Variants in SPATA13 observed in about 807,000 individuals in gnomAD.
SPATA13 encodes the protein spermatogenesis-associated protein 13.
Under a neutral mutation model 104.0 loss-of-function variants are expected in SPATA13, and 50 were observed. That is an observed-to-expected ratio of 0.48 (90% CI 0.38 to 0.61). The LOEUF (loss-of-function observed/expected upper bound fraction) is 0.61, where lower values mean the gene tolerates loss of function less well. Ranked by LOEUF, SPATA13 falls within the 20% of genes least tolerant of loss-of-function variation. The pLI, the probability that SPATA13 is intolerant of heterozygous loss-of-function variation, is 0.00. For synonymous variants in SPATA13, 606 were observed against 667.5 expected (o/e 0.91, Z 1.42); for missense variants, 1,524 against 1,690.6 (o/e 0.90, Z 1.73).
At chr13:24,153,523 A>G (rs1218515136) in intron 3 of SPATA13, among the ~76,000 whole-genome samples, 2 of 152,260 alleles carry the variant, frequency 1.3e-5, no homozygotes, top group Non-Finnish European at 2.9e-5. Flanking sequence ...TACACCCTTC[A>G]GATGACAAAA....
At chr13:24,166,258 T>G (rs949636786) in intron 1 of SPATA13, among the ~76,000 whole-genome samples, 6 of 152,198 alleles carry the variant, frequency 3.9e-5, no homozygotes, top group Admixed American at 6.5e-5. Flanking sequence ...CATATTCTTG[T>G]CTAGAGGGAG....
chr13:24,238,168 G>A (rs1259034082), intron 2 of SPATA13, among the ~76,000 whole-genome samples: 3 of 104,886 alleles, frequency 2.9e-5, no homozygotes, highest in African/African-American at 3.9e-5. Flanking sequence ...ACAGACTCTT[G>A]CTCTATCTCC....
intron 10 of SPATA13, 149 bp from the exon 11 acceptor site, chr13:24,297,214 A>T (rs1876846463): frequency 1.1e-6 from 1 of 937,362 alleles, no homozygotes; most frequent in Non-Finnish European, 1.5e-6. Flanking sequence ...AATTTTTAAA[A>T]TTTTATGTGG....
At chr13:23,984,356 T>C (rs1012738594) in intron 2 of SPATA13, among the ~76,000 whole-genome samples, 7 of 152,244 alleles carry the variant, frequency 4.6e-5, no homozygotes, top group Admixed American at 1.3e-4. Context: ...TACTTTATAT[T>C]CTGCCTTCAA....
At chr13:24,072,760 C>T (rs757432985) in intron 3 of SPATA13, among the ~76,000 whole-genome samples, 11 of 150,476 alleles carry the variant, frequency 7.3e-5, no homozygotes, top group Non-Finnish European at 1.0e-4. Flanking sequence ...TCTCCTCCCT[C>T]GGCATCGCTT....
At chr13:24,106,929 G>A (rs7318560) in intron 3 of SPATA13, among the ~76,000 whole-genome samples, 73,306 of 151,884 alleles carry the variant, frequency 0.48, 18,107 homozygotes, top group Non-Finnish European at 0.53. Flanking sequence ...GCCATGTAGT[G>A]AAGTCTGTGC....
At chr13:24,043,698 A>G (rs1461107047) in intron 3 of SPATA13, among the ~76,000 whole-genome samples, 2 of 152,140 alleles carry the variant, frequency 1.3e-5, no homozygotes, top group Non-Finnish European at 2.9e-5. Context: ...TGACAGCCTT[A>G]TGCCAAAGGG....
intron 10 of SPATA13, among the ~76,000 whole-genome samples, chr13:24,296,806 GA>G (rs1206706427): frequency 6.8e-6 from 1 of 146,080 alleles, no homozygotes. Flanking sequence ...TAGTAAGCAG[GA>G]AAAAAAAAAG....
At chr13:23,984,793 C>A (rs933673217) in intron 2 of SPATA13, among the ~76,000 whole-genome samples, 1 of 152,334 alleles carries the variant, frequency 6.6e-6, no homozygotes, top group South Asian at 2.1e-4. Context: ...AAAAAGACTG[C>A]CTATTTCTGA....
chr13:24,007,092 C>A, intron 2 of SPATA13, among the ~76,000 whole-genome samples: 1 of 152,162 alleles, frequency 6.6e-6, no homozygotes, highest in Middle Eastern at 3.2e-3. Flanking sequence ...GTGTGACCTT[C>A]CTGCTGGCCC....
Position 23,984,306 on chromosome 13 carries a change from G to A in SPATA13, c.-147+373G>A, listed in dbSNP as rs79866149. 1.2e-3 allele frequency among the ~76,000 whole-genome samples: 182 copies of A among 152,330 alleles called. 5 individuals carry two copies. The East Asian group carries it at 0.031, about 26-fold the overall frequency. On this transcript the variant is annotated intron_variant, in intron 2 of 14. Transcript: ENST00000424834. ...GTTTCGGTATTCACCAGTCATCAGA[G>A]TCTCAAAGTACTTGTGTTTGTCTCC...
At chr13:24,125,533 C>A (rs560883132) in intron 3 of SPATA13, among the ~76,000 whole-genome samples, 7 of 152,254 alleles carry the variant, frequency 4.6e-5, no homozygotes, top group African/African-American at 1.7e-4. Context: ...CCACCCCCAG[C>A]ACAGTTTCTA....
chr13:24,141,506 C>A (rs551313774), intron 3 of SPATA13, among the ~76,000 whole-genome samples: 1 of 152,316 alleles, frequency 6.6e-6, no homozygotes, highest in African/African-American at 2.4e-5. Context: ...ACTCCTCCAG[C>A]TGAGCTCTAA....
At chr13:24,298,366 T>C (rs1352601987) in intron 11 of SPATA13, among the ~76,000 whole-genome samples, 2 of 152,230 alleles carry the variant, frequency 1.3e-5, no homozygotes, top group African/African-American at 4.8e-5. Context: ...CATCGTCCAT[T>C]GCAGTTAAGG....
At chr13:24,243,978 A>G (rs1485942175) in intron 2 of SPATA13, among the ~76,000 whole-genome samples, 2 of 152,208 alleles carry the variant, frequency 1.3e-5, no homozygotes, top group Non-Finnish European at 2.9e-5. Context: ...AAAACAGTGG[A>G]CATCTGTTCT....
chr13:24,136,217 A>T (rs180674432), intron 3 of SPATA13, among the ~76,000 whole-genome samples: 195 of 152,332 alleles, frequency 1.3e-3, no homozygotes, highest in African/African-American at 4.4e-3. Flanking sequence ...TATGCCTGTA[A>T]TCCTAGCACT....
intron 3 of SPATA13, among the ~76,000 whole-genome samples, chr13:24,110,226 C>T (rs1026967561): frequency 3.3e-5 from 5 of 151,600 alleles, no homozygotes; most frequent in South Asian, 2.1e-4. Flanking sequence ...CTCGCTGAGC[C>T]GGCTCTCCCA....
rs150005183 is a variant in SPATA13, at chr13:24,210,726, G to A, written c.-111-12093G>A. Among the ~76,000 whole-genome samples the A allele has an allele frequency of 7.9e-3, 1,091 of 137,620 alleles. 13 individuals carry two copies. Among genetic ancestry groups the A allele is most frequent in the African/African-American group, 0.028 (1,034 of 37,174 alleles). 90.3% of individuals were successfully genotyped at this position (137,620 alleles called of 152,430 possible). A position where few individuals can be genotyped will look rare whatever the true frequency, so the allele number is the denominator to read the frequency against. Reference sequence around the variant, plus strand: ...TATTCTTTTTTTTCAAGATTGCTTTGTCCGTCTGGAATCTTTTATGGTTCT... The same window carrying A: ...TATTCTTTTTTTTCAAGATTGCTTTATCCGTCTGGAATCTTTTATGGTTCT... On this transcript the variant is annotated intron_variant, in intron 1 of 12. Coordinates refer to ENST00000382108, the MANE Select transcript of SPATA13 (RefSeq NM_001166271.3).
At chr13:23,989,186 G>A (rs1447463480) in intron 2 of SPATA13, among the ~76,000 whole-genome samples, 1 of 152,162 alleles carries the variant, frequency 6.6e-6, no homozygotes, top group Non-Finnish European at 1.5e-5. Flanking sequence ...CACTTTGGGA[G>A]GCCGAGGCAG....
Sources: allele counts gnomAD v4.1 joint callset (sites outside exome capture counted in the v4.1 genomes callset), GRCh38; gene constraint gnomAD v4.1.1; transcripts MANE v1.5; gene names NCBI Gene and HGNC (gene_info 2026-07-23, HGNC 2026-07-21).